Variants in MAP3K15 observed in about 807,000 individuals in gnomAD.
MAP3K15 encodes the protein MAPK/ERK kinase kinase 15.
Under a neutral mutation model 99.5 loss-of-function variants are expected in MAP3K15, and 124 were observed. The ratio of observed to expected loss-of-function variants is 1.25; its 90% confidence interval spans 1.08 to 1.45. The LOEUF (loss-of-function observed/expected upper bound fraction) is 1.45. MAP3K15 is among the 40% of genes most tolerant of loss of function. The pLI, the probability that MAP3K15 is intolerant of heterozygous loss-of-function variation, is 0.00. For missense variants in MAP3K15, 1,242 were observed against 1,079.7 expected, an observed-to-expected ratio of 1.15 and a Z score of -2.11; for synonymous variants, 494 against 439.6, an observed-to-expected ratio of 1.12 and a Z score of -1.55.
At position 19,361,536 on chromosome X, in the gene MAP3K15, TCTATAAG is replaced by T; in HGVS notation, c.3730_3736del (p.Leu1244ThrfsTer35). The stretch of plus-strand genomic sequence containing the variant: ...ATCAGCTCCTTGCAGCCGCAACCAG[TCTATAAG>T]CTCTTTATCTGTTCTCTGCCCGTAG... On this transcript the variant is annotated frameshift_variant, in exon 27 of 29. Transcript: ENST00000338883. LOFTEE classifies it high-confidence loss of function. 8.3e-7 allele frequency: 1 copy of T among 1,211,656 alleles called. No individual in the cohort carries two copies. Among genetic ancestry groups the T allele is most frequent in the Non-Finnish European group, 1.1e-6 (1 of 895,191 alleles).
intron 9 of MAP3K15, among the ~76,000 whole-genome samples, chrX:19,416,400 C>T (rs764436656): frequency 1.8e-4 from 20 of 111,173 alleles, no homozygotes; most frequent in African/African-American, 3.9e-4. Context: ...AGAAGTTCGT[C>T]TCTCCAGTAA....
chrX:19,453,816 A>C (rs761979176), intron 6 of MAP3K15, among the ~76,000 whole-genome samples: 1 of 112,267 alleles, frequency 8.9e-6, no homozygotes. Flanking sequence ...AACATGTCAT[A>C]AAGAATGCTA....
At chrX:19,460,916 A>G (rs1035585717) in intron 4 of MAP3K15, among the ~76,000 whole-genome samples, 2 of 109,733 alleles carry the variant, frequency 1.8e-5, no homozygotes, top group African/African-American at 3.3e-5. Flanking sequence ...CTGGGACTAT[A>G]GGCATGTGCC....
rs948860687 is a variant in MAP3K15, at chrX:19,376,362, AC to A, written c.2590-1703del. Among the ~76,000 whole-genome samples the A allele has an allele frequency of 3.5e-4, 38 of 109,014 alleles. 1 individual carries two copies. The East Asian group carries it at 0.01, about 29-fold the overall frequency. The allele number at this position is 109,014 out of a possible 115,157, so 94.7% of individuals were successfully genotyped here. A position where few individuals can be genotyped will look rare whatever the true frequency, so the allele number is the denominator to read the frequency against. On this transcript the variant is annotated intron_variant, in intron 19 of 28. Coordinates refer to ENST00000338883, the MANE Select transcript of MAP3K15 (RefSeq NM_001001671.4). ...CTGGCGCTCCTTGGCTCCTAGATGCACCCCCCTCTCTCCTCTGCCTCCCCGA... is the reference window on the plus strand; with the variant it reads ...CTGGCGCTCCTTGGCTCCTAGATGCACCCCCTCTCTCCTCTGCCTCCCCGA...
chrX:19,481,337 G>T (rs2064288753), intron 3 of MAP3K15, among the ~76,000 whole-genome samples: 1 of 107,484 alleles, frequency 9.3e-6, no homozygotes, highest in Non-Finnish European at 1.9e-5. Context: ...AAATGAGAAA[G>T]AATGAAGTTG....
At position 19,394,675 on chromosome X, in the gene MAP3K15, T is replaced by C. The variant is rs368791040; in HGVS notation, c.2194+406A>G. The stretch of plus-strand genomic sequence containing the variant: ...AAGGCCAAAGACTATGTTTTCTCCA[T>C]AGACAGTCAATGAATATTTGTGGGT... On this transcript the variant is annotated intron_variant, in intron 16 of 28. Coordinates refer to ENST00000338883, the MANE Select transcript of MAP3K15 (RefSeq NM_001001671.4). Among the ~76,000 whole-genome samples the C allele has an allele frequency of 3.4e-4, 38 of 110,379 alleles. No individual in the cohort carries two copies. The East Asian group carries it at 8.5e-3, about 25-fold the overall frequency.
At chrX:19,435,580 C>T (rs927229976) in intron 6 of MAP3K15, among the ~76,000 whole-genome samples, 3 of 111,970 alleles carry the variant, frequency 2.7e-5, no homozygotes, top group Non-Finnish European at 5.6e-5. Flanking sequence ...TGAGTATAAA[C>T]AAAACAAAAA....
chrX:19,414,610 T>C (rs1234369540), intron 10 of MAP3K15, among the ~76,000 whole-genome samples: 1 of 112,656 alleles, frequency 8.9e-6, no homozygotes, highest in Non-Finnish European at 1.9e-5. Flanking sequence ...TATCAATTAG[T>C]GGCCTTAGAG....
intron 16 of MAP3K15, 152 bp from the exon 17 acceptor site, chrX:19,392,625 G>T: frequency 3.8e-6 from 2 of 531,883 alleles, no homozygotes; most frequent in African/African-American, 2.4e-5. Flanking sequence ...CCTCCCCTCT[G>T]TAGCTACAGC....
At chrX:19,429,789 A>G (rs1336366367) in intron 7 of MAP3K15, among the ~76,000 whole-genome samples, 1 of 75,975 alleles carries the variant, frequency 1.3e-5, no homozygotes, top group Non-Finnish European at 2.3e-5. Flanking sequence ...AGAGAGAGAG[A>G]GAGAGAGAGA....
chrX:19,367,722 G>GATT lies in MAP3K15; in HGVS notation c.3566+1329_3566+1331dup, dbSNP rs2063344286. Among the ~76,000 whole-genome samples, 8 of 53,183 alleles carry GATT rather than the reference G, an allele frequency of 1.5e-4. 1 individual carries two copies. The highest frequency in any genetic ancestry group is 5.3e-4 in the Admixed American group (2 of 3,797). 46.2% of individuals were successfully genotyped at this position (53,183 alleles called of 115,157 possible). On this transcript the variant is annotated intron_variant, in intron 25 of 28. Coordinates refer to ENST00000338883, the MANE Select transcript of MAP3K15 (RefSeq NM_001001671.4). ...TACCAACTCATTTGCTATAACTATGGATTTTTTTTTTTTTTTTTTTTTTTT... is the reference window on the plus strand; with the variant it reads ...TACCAACTCATTTGCTATAACTATGGATTATTTTTTTTTTTTTTTTTTTTTTTT...
intron 1 of MAP3K15, among the ~76,000 whole-genome samples, chrX:19,512,872 G>C (rs1602362731): frequency 9.0e-6 from 1 of 111,196 alleles, no homozygotes; most frequent in African/African-American, 3.3e-5. Context: ...AAATTGGACA[G>C]AGTGGTTTTA....
At chrX:19,487,889 A>G (rs747978859) in intron 2 of MAP3K15, among the ~76,000 whole-genome samples, 2 of 110,851 alleles carry the variant, frequency 1.8e-5, no homozygotes, top group African/African-American at 6.6e-5. Flanking sequence ...GTGAAGGCTG[A>G]CTCTCCAAAC....
Position 19,394,816 on chromosome X carries a change from TTTTTTTTTTTTTTTTTTTTA to T in MAP3K15, c.2194+245_2194+264del, listed in dbSNP as rs1569209266. ...TTTTTTTTTTTTTTTTTTTTTTTTTTTTTTTTTTTTTTTTTTTTTAAAAAGAGTGATGGGTTTTGCTCTGT... is the reference window on the plus strand; with the variant it reads ...TTTTTTTTTTTTTTTTTTTTTTTTTTAAAAGAGTGATGGGTTTTGCTCTGT... On this transcript the variant is annotated intron_variant, in intron 16 of 28. Transcript: ENST00000338883. Among the ~76,000 whole-genome samples the T allele has an allele frequency of 6.3e-4, 40 of 63,903 alleles. 3 individuals carry two copies. The highest frequency in any genetic ancestry group is 3.3e-3 in the African/African-American group (39 of 11,654). 55.5% of individuals were successfully genotyped at this position (63,903 alleles called of 115,157 possible).
rs56233219 is a variant in MAP3K15, at chrX:19,372,783, G to A, written c.2978C>T (p.Ser993Leu). The change falls in exon 22 of 29, where the codon TCG becomes TTG. Residue 993 changes from serine to leucine, a missense_variant. Transcript: ENST00000338883. ...SSALEDRGLA[S>L]SPEDRDQGLF... ...GCCCTGGTCCCTGTCCTCCGGGGACGAGGCCAAGCCCCGGTCTTCCAAGGC... is the reference window on the plus strand; with the variant it reads ...GCCCTGGTCCCTGTCCTCCGGGGACAAGGCCAAGCCCCGGTCTTCCAAGGC... The A allele has an allele frequency of 2.3e-3, 2,757 of 1,209,486 alleles. 39 individuals are homozygous for A. In the African/African-American group the frequency reaches 0.04, roughly 18 times the overall value.
At chrX:19,466,746 A>G (rs1413229237) in intron 3 of MAP3K15, 1 of 93,867 alleles carries the variant, frequency 1.1e-5, no homozygotes, top group Non-Finnish European at 2.2e-5. Context: ...AGTGAGGTCT[A>G]GAAGGAAAAA....
intron 2 of MAP3K15, 48 bp from the exon 3 acceptor site, chrX:19,486,553 A>T: frequency 7.3e-6 from 5 of 684,436 alleles, no homozygotes; most frequent in Non-Finnish European, 1.0e-5. Context: ...AAAACAGCTA[A>T]TTTCCATAAG....
At chrX:19,483,963 CCA>C (rs2064307915) in intron 3 of MAP3K15, among the ~76,000 whole-genome samples, 1 of 111,601 alleles carries the variant, frequency 9.0e-6, no homozygotes, top group Admixed American at 9.6e-5. Flanking sequence ...GTGCAATTTT[CCA>C]CTCATCCCAT....
At chrX:19,396,644 C>T (rs1478689736) in intron 15 of MAP3K15, among the ~76,000 whole-genome samples, 1 of 112,075 alleles carries the variant, frequency 8.9e-6, no homozygotes, top group African/African-American at 3.2e-5. Flanking sequence ...TCAACAAATA[C>T]ATGAATGGAT....
Sources: gnomAD v4.1 joint callset for allele counts (sites outside exome capture counted in the v4.1 genomes callset) on GRCh38, gnomAD v4.1.1 for gene constraint, MANE v1.5 for transcripts, NCBI Gene and HGNC (gene_info 2026-07-23, HGNC 2026-07-21) for gene names.